The following TRPM5 variants were observed in gnomAD, a reference collection of about 807,000 sequenced individuals.
TRPM5 encodes MLSN1 and TRP-related.
Under a neutral mutation model 124.9 loss-of-function variants are expected in TRPM5, and 121 were observed. That is an observed-to-expected ratio of 0.97 (90% confidence interval 0.84 to 1.13). The LOEUF (loss-of-function observed/expected upper bound fraction) is 1.13, where lower values mean the gene tolerates loss of function less well. TRPM5 is among the 50% of genes most tolerant of loss of function. The pLI is 0.00. For synonymous variants in TRPM5, 781 were observed against 700.5 expected (o/e 1.11, Z -1.81); for missense variants, 1,643 against 1,589.1 (o/e 1.03, Z -0.58).
In TRPM5 at chr11:2,420,424, A is replaced by T; in HGVS notation, c.466-19T>A. 6.3e-7 allele frequency: 1 copy of T among 1,590,170 alleles called. No homozygotes were observed. The highest frequency in any genetic ancestry group is 8.6e-7 in the Non-Finnish European group (1 of 1,165,144). ...AATCCTCCTGCGCCCATGCAGGGAG[A>T]CGAGGCTGAGCCCTCGAGAGGCAGC... On this transcript the variant is annotated intron_variant, in intron 3 of 23. Coordinates refer to ENST00000155858, the Ensembl canonical transcript of TRPM5.
upstream of TRPM5, among the ~76,000 whole-genome samples, chr11:2,426,474 C>A (rs1845841192): frequency 6.6e-6 from 1 of 152,242 alleles, no homozygotes; most frequent in Non-Finnish European, 1.5e-5. Context: ...CCGGGACAGC[C>A]AGGGGCCATC....
chr11:2,439,057 A>G, the TRPM5 span, among the ~76,000 whole-genome samples: 10 of 152,354 alleles, frequency 6.6e-5, no homozygotes, highest in Non-Finnish European at 1.3e-4. Flanking sequence ...CAACAAAGTC[A>G]ACAAAAATAG....
chr11:2,432,152 C>T, the TRPM5 span, among the ~76,000 whole-genome samples: 1 of 152,216 alleles, frequency 6.6e-6, no homozygotes, highest in Admixed American at 6.5e-5. Flanking sequence ...TAGCCATGGG[C>T]ACTGCTGCCA....
At chr11:2,418,652 C>G in intron 4 of TRPM5, 61 bp from the exon 10 acceptor site, 1 of 1,508,668 alleles carries the variant, frequency 6.6e-7, no homozygotes, top group Non-Finnish European at 9.0e-7. Context: ...ACCCGGATCT[C>G]AGGCTCTCAG....
At chr11:2,413,078 C>T in intron 14 of TRPM5, 56 bp downstream of exon 19, 6 of 1,541,734 alleles carry the variant, frequency 3.9e-6, no homozygotes, top group Non-Finnish European at 4.4e-6. Context: ...CAGAGTCCAG[C>T]CTCCCAGCCA....
chr11:2,441,655 C>G, the TRPM5 span, among the ~76,000 whole-genome samples: 7 of 152,138 alleles, frequency 4.6e-5, no homozygotes, highest in Non-Finnish European at 1.0e-4. This position sits in a 1 kb window ranked among gnomAD's most constrained non-coding sequence, Gnocchi z 7.2. Context: ...AGGAGACAGC[C>G]CTGGGGGCCT....
chr11:2,414,009 G>GGGCGCCGCCCCCCCC, intron 12 of TRPM5, 52 bp downstream of exon 17: 1 of 1,023,734 alleles, frequency 9.8e-7, no homozygotes, highest in Non-Finnish European at 1.4e-6. Context: ...GGCCCAGCTC[G>GGGCGCCGCCCCCCCC]CCCGCCCACC....
intron 20 of TRPM5, 120 bp from the exon 26 acceptor site, chr11:2,406,913 A>C: frequency 6.9e-7 from 1 of 1,442,242 alleles, no homozygotes; most frequent in South Asian, 1.4e-5. Context: ...CCAGCCAGGG[A>C]TGGAGGGCAA....
exon 9 of TRPM5, chr11:2,415,169 G>T: frequency 6.3e-7 from 1 of 1,582,410 alleles, no homozygotes; most frequent in East Asian, 2.3e-5. Flanking sequence ...AGCCTCGGCA[G>T]GCGTCCTGCA....
chr11:2,409,521 G>A (rs1001698552), intron 18 of TRPM5, among the ~76,000 whole-genome samples: 12 of 152,338 alleles, frequency 7.9e-5, no homozygotes, highest in South Asian at 2.1e-4. Context: ...GGCTCGGCAC[G>A]AGTGCAGAGT....
At chr11:2,412,811 C>T in exon 15 of TRPM5, 4 of 1,604,340 alleles carry the variant, frequency 2.5e-6, no homozygotes, top group Non-Finnish European at 3.4e-6. Flanking sequence ...TGACCTCGGG[C>T]CCTGAGGGGC....
In TRPM5 at chr11:2,406,650, G is replaced by A. The variant is rs1412530262; in HGVS notation, c.3251+11C>T. The A allele has an allele frequency of 1.2e-6, 2 of 1,600,952 alleles. No individual in the cohort carries two copies. Among genetic ancestry groups the A allele is most frequent in the Non-Finnish European group, 8.5e-7 (1 of 1,173,542 alleles). On this transcript the variant is annotated intron_variant, in intron 21 of 23. Transcript: ENST00000155858. ...CCGATACCCACCAGTGATCAGGACA[G>A]GCCCCCGCACCTGTGGGCGGTTTTC... is the stretch of plus-strand genomic sequence containing the variant.
At chr11:2,435,288 G>T in the TRPM5 span, among the ~76,000 whole-genome samples, 5 of 152,298 alleles carry the variant, frequency 3.3e-5, no homozygotes, top group Admixed American at 1.3e-4. The surrounding 1 kb of genome is among the most constrained non-coding windows in gnomAD (Gnocchi z 4.1). Flanking sequence ...GGTCGAGGAA[G>T]AATTCATGGA....
chr11:2,438,512 CA>C, the TRPM5 span, among the ~76,000 whole-genome samples: 1 of 152,012 alleles, frequency 6.6e-6, no homozygotes, highest in Non-Finnish European at 1.5e-5. This position sits in a 1 kb window ranked among gnomAD's most constrained non-coding sequence, Gnocchi z 5.9. Context: ...CAAAAAAATA[CA>C]AAAATTAGCC....
chr11:2,424,787 C>T (rs181601788), upstream of TRPM5, among the ~76,000 whole-genome samples: 2 of 152,208 alleles, frequency 1.3e-5, no homozygotes, highest in Non-Finnish European at 2.9e-5. Context: ...TTTTAAGATG[C>T]CCAGCTCAGG....
exon 24 of TRPM5, chr11:2,404,827 G>A: frequency 1.2e-6 from 1 of 838,798 alleles, no homozygotes; most frequent in South Asian, 1.6e-5. Context: ...TGTCTGCTGG[G>A]GGGCTGGTGC....
chr11:2,421,229 C>A, intron 2 of TRPM5, 31 bp from the exon 8 acceptor site: 1 of 1,524,218 alleles, frequency 6.6e-7, no homozygotes. Context: ...CTCGTTGTGC[C>A]GCACGCCCCA....
At chr11:2,404,314 A>G (rs1053907464), downstream of TRPM5, among the ~76,000 whole-genome samples, 2 of 152,202 alleles carry the variant, frequency 1.3e-5, no homozygotes, top group African/African-American at 4.8e-5. Flanking sequence ...TCCAGGCTCC[A>G]CTGAAGATAA....
chr11:2,405,923 C>G, intron 22 of TRPM5, 96 bp downstream of exon 27: 1 of 1,181,690 alleles, frequency 8.5e-7, no homozygotes. Flanking sequence ...CCTGCCTCAT[C>G]TCTGTGAGTG....
Sources: allele counts gnomAD v4.1 joint callset (sites outside exome capture counted in the v4.1 genomes callset), GRCh38; gene constraint gnomAD v4.1.1; non-coding constraint Gnocchi (gnomAD v3.1); transcripts MANE v1.5; gene names NCBI Gene and HGNC (gene_info 2026-07-23, HGNC 2026-07-21).